The following TSKS variants were observed in gnomAD, a reference collection of about 807,000 sequenced individuals.
TSKS encodes testis specific serine kinase substrate.
A neutral mutation model predicts 68.0 loss-of-function variants in TSKS; 27 were observed. The observed-to-expected ratio is 0.40, with a 90% CI of 0.29 to 0.55. TSKS has a LOEUF of 0.55. TSKS is among the 20% of genes least tolerant of loss of function. The pLI is 0.53. For missense variants in TSKS, 806 were observed against 776.0 expected (o/e 1.04, Z -0.46); for synonymous variants, 331 against 340.4 (o/e 0.97, Z 0.30).
At chr19:49,756,564 TAAA>T (rs200912143) in intron 2 of TSKS, among the ~76,000 whole-genome samples, 1 of 138,654 alleles carries the variant, frequency 7.2e-6, no homozygotes, top group Non-Finnish European at 1.6e-5. Context: ...CACTCATGAT[TAAA>T]AAAAAAAAAA....
Position 49,746,452 on chromosome 19 carries a change from C to T in TSKS, c.992+18G>A. ...CGCCGATCTCGTTTTCGAGGCTCCG[C>T]CCCTAGGTCCCGCCCACCTCAGCTC... On this transcript the variant is annotated intron_variant, in intron 6 of 10. Coordinates refer to ENST00000246801, the MANE Select transcript of TSKS (RefSeq NM_021733.2). The T allele has an allele frequency of 1.2e-6, 2 of 1,613,084 alleles. No individual in the cohort carries two copies. Among genetic ancestry groups the T allele is most frequent in the Non-Finnish European group, 1.7e-6 (2 of 1,179,590 alleles).
intron 2 of TSKS, among the ~76,000 whole-genome samples, chr19:49,754,599 A>G (rs2084378967): frequency 6.6e-6 from 1 of 152,212 alleles, no homozygotes; most frequent in African/African-American, 2.4e-5. Flanking sequence ...ACAAACAAGC[A>G]GTCAAGAGAA....
chr19:49,751,419 GGCTT>G (rs1030551113), intron 2 of TSKS, among the ~76,000 whole-genome samples: 10 of 151,098 alleles, frequency 6.6e-5, no homozygotes, highest in African/African-American at 2.2e-4. Flanking sequence ...ATTAACCAAA[GGCTT>G]GCAGCAACTC....
At position 49,762,006 on chromosome 19, in the gene TSKS, G is replaced by C; in HGVS notation, c.397C>G (p.Leu133Val). The C allele has an allele frequency of 6.2e-7, 1 of 1,611,722 alleles. No individual in the cohort carries two copies. The highest frequency in any genetic ancestry group is 2.2e-5 in the East Asian group (1 of 44,830). The change falls in exon 2 of 11, where the codon CTG becomes GTG. Residue 133 changes from leucine (L) to valine (V), a missense_variant and splice_region_variant. By Grantham distance (32) the Leu-to-Val change is conservative. Transcript: ENST00000246801. ...DPDDADITEILSGVNSGLVRA... is the reference protein window; with the variant it reads ...DPDDADITEIVSGVNSGLVRA... ...CGGGTGGTGTGGAGGGCCCTCACCA[G>C]GATTTCCGTGATGTCTGCGTCATCC...
At chr19:49,757,314 G>T (rs993760733) in intron 2 of TSKS, among the ~76,000 whole-genome samples, 2 of 152,164 alleles carry the variant, frequency 1.3e-5, no homozygotes, top group Non-Finnish European at 2.9e-5. Flanking sequence ...CCAAAATCTT[G>T]TTTGCAACCT....
In TSKS at chr19:49,745,186, T is replaced by G. The variant is rs368254608; in HGVS notation, c.1187+16A>C. 1.0e-5 allele frequency: 16 copies of G among 1,561,914 alleles called. No individual in the cohort carries two copies. In the African/African-American group the frequency reaches 1.2e-4, roughly 12 times the overall value. ...TGCCCCTTCCGGTCTTCCCATGCAC[T>G]GGCCCCAATCCTCACATGGTGCACA... On this transcript the variant is annotated intron_variant, in intron 7 of 10. Coordinates refer to ENST00000246801, the MANE Select transcript of TSKS (RefSeq NM_021733.2).
At chr19:49,745,063 G>T in intron 7 of TSKS, 139 bp downstream of exon 7, 2 of 797,320 alleles carry the variant, frequency 2.5e-6, no homozygotes, top group Non-Finnish European at 3.7e-6. Context: ...CTCTCTAATT[G>T]GTGTTTCCCG....
At chr19:49,747,541 CTG>C (rs1600191403) in intron 4 of TSKS, 69 bp from the exon 5 acceptor site, 1 of 1,521,990 alleles carries the variant, frequency 6.6e-7, no homozygotes. Context: ...CTTAGCCTGT[CTG>C]TTTCCATCCA....
chr19:49,753,738 G>A (rs1015809647), intron 2 of TSKS, among the ~76,000 whole-genome samples: 6 of 149,902 alleles, frequency 4.0e-5, no homozygotes, highest in Non-Finnish European at 8.9e-5. Context: ...GGGCAACAGA[G>A]CAAGATCATG....
chr19:49,762,670 A>G (rs926160844), intron 1 of TSKS, among the ~76,000 whole-genome samples: 2 of 150,792 alleles, frequency 1.3e-5, no homozygotes, highest in African/African-American at 2.4e-5. Flanking sequence ...CTCATGATCC[A>G]CCTGCCTCGG....
chr19:49,757,156 G>T (rs923202685), intron 2 of TSKS, among the ~76,000 whole-genome samples: 1 of 152,170 alleles, frequency 6.6e-6, no homozygotes, highest in Non-Finnish European at 1.5e-5. Flanking sequence ...TTCATCTAGG[G>T]AACGATAGCC....
At chr19:49,746,924 G>A in intron 5 of TSKS, 126 bp from the exon 6 acceptor site, 1 of 1,483,584 alleles carries the variant, frequency 6.7e-7, no homozygotes, top group South Asian at 1.3e-5. Flanking sequence ...ACAGTATGTT[G>A]GAAGTCTCAC....
rs375240991 is a variant in TSKS, at chr19:49,745,342, C to T, written c.1047G>A (p.Gln349=). Reference sequence around the variant, plus strand: ...GGCCCCCGAGCAGCCGCAGGGCTTCCTGCACCGCCCCCTCCTCCTGATGCC... The same window carrying T: ...GGCCCCCGAGCAGCCGCAGGGCTTCTTGCACCGCCCCCTCCTCCTGATGCC... ...ARWHQEEGAV[Q]EALRLLGGLG... The change falls in exon 7 of 11, where the codon CAG becomes CAA. Residue 349 remains glutamine (Q), a synonymous_variant. Transcript: ENST00000246801. 8.8e-6 allele frequency: 14 copies of T among 1,598,362 alleles called. No individual in the cohort carries two copies. The highest frequency in any genetic ancestry group is 1.1e-5 in the Non-Finnish European group (13 of 1,176,700).
intron 8 of TSKS, 133 bp from the exon 9 acceptor site, chr19:49,742,153 A>G: frequency 1.1e-6 from 1 of 945,230 alleles, no homozygotes; most frequent in Admixed American, 2.4e-5. Flanking sequence ...CCCAGCATGC[A>G]CTGTGCACCA....
intron 5 of TSKS, 44 bp downstream of exon 5, chr19:49,747,345 C>G (rs752311530): frequency 6.2e-7 from 1 of 1,613,774 alleles, no homozygotes; most frequent in African/African-American, 1.3e-5. Context: ...CCTCGTGCAT[C>G]TGACCTCCTC....
At chr19:49,739,968 G>A (rs776476027) in intron 10 of TSKS, 36 bp from the exon 11 acceptor site, 3 of 1,608,104 alleles carry the variant, frequency 1.9e-6, no homozygotes, top group Middle Eastern at 1.7e-4. Context: ...TGGCGGCATG[G>A]CTAGGTGCTG....
chr19:49,760,009 C>T (rs936498315), intron 2 of TSKS, among the ~76,000 whole-genome samples: 8 of 151,018 alleles, frequency 5.3e-5, no homozygotes, highest in Admixed American at 4.6e-4. Flanking sequence ...AAAAATTAGT[C>T]AGGTGTGGTG....
Position 49,739,898 on chromosome 19 carries a change from T to G in TSKS, c.1657A>C (p.Lys553Gln), listed in dbSNP as rs2084237179. Residue 553 changes from lysine to glutamine, a missense_variant, in exon 11 of 11, where the codon AAG (lysine) becomes CAG (glutamine). Coordinates refer to ENST00000246801, the MANE Select transcript of TSKS (RefSeq NM_021733.2). ...AGATGATCGTGGAGGGAGCACATCT[T>G]CAAGTGTAGATGGTCCAGAGTGGCC... is the stretch of plus-strand genomic sequence containing the variant. ...KMATLDHLHLKMCSLHDHLSN... is the reference protein window; with the variant it reads ...KMATLDHLHLQMCSLHDHLSN... The G allele has an allele frequency of 2.5e-6, 4 of 1,613,900 alleles. No homozygotes were observed. The East Asian group carries it at 6.7e-5, about 27-fold the overall frequency.
At position 49,745,411 on chromosome 19, in the gene TSKS, GAGGGGAATGGGT is replaced by G; in HGVS notation, c.993-27_993-16del. 1 of 1,523,116 alleles carries G rather than the reference GAGGGGAATGGGT, an allele frequency of 6.6e-7. No individual in the cohort carries two copies. The highest frequency in any genetic ancestry group is 8.8e-7 in the Non-Finnish European group (1 of 1,135,710). 94.4% of individuals were successfully genotyped at this position (1,523,116 alleles called of 1,614,324 possible). A position where few individuals can be genotyped will look rare whatever the true frequency, so the allele number is the denominator to read the frequency against. On this transcript the variant is annotated splice_polypyrimidine_tract_variant and intron_variant, in intron 6 of 10. Transcript: ENST00000246801. ...ACACCTCTCTCCTGGAGGGGCAGAG[GAGGGGAATGGGT>G]AGGGGCTAGGCTTCAACAGGTCCCC...
Sources: allele counts gnomAD v4.1 joint callset (sites outside exome capture counted in the v4.1 genomes callset), GRCh38; gene constraint gnomAD v4.1.1; transcripts MANE v1.5; gene names NCBI Gene and HGNC (gene_info 2026-07-23, HGNC 2026-07-21).